MINDY4B: variants seen among roughly 807,000 people sequenced by gnomAD.
The protein encoded by MINDY4B is MINDY family member 4B.
MINDY4B carries 25 observed loss-of-function variants against 16.7 expected under a neutral mutation model. The observed-to-expected ratio is 1.49, with a 90% CI of 1.09 to 2.09. The LOEUF (loss-of-function observed/expected upper bound fraction) is 2.09, where lower values mean the gene tolerates loss of function less well. Among genes scored for constraint, MINDY4B ranks in the 30% most tolerant of loss-of-function variants. MINDY4B has a pLI of 0.00. For synonymous variants in MINDY4B, 132 were observed against 61.9 expected, an observed-to-expected ratio of 2.13 and a Z score of -5.32; for missense variants, 327 against 168.4, an observed-to-expected ratio of 1.94 and a Z score of -5.21.
chr3:150,888,752 C>T (rs913605051), intron 7 of MINDY4B, among the ~76,000 whole-genome samples: 1 of 152,182 alleles, frequency 6.6e-6, no homozygotes, highest in African/African-American at 2.4e-5. Context: ...TGTGTAGGGC[C>T]TTGATTATTC....
At chr3:150,892,240 G>A (rs933371376) in intron 5 of MINDY4B, among the ~76,000 whole-genome samples, 3 of 152,186 alleles carry the variant, frequency 2.0e-5, no homozygotes, top group Non-Finnish European at 2.9e-5. Flanking sequence ...GGCAGGCTCC[G>A]CAGTGCAATC....
At chr3:150,877,275 A>C (rs116158094) in intron 10 of MINDY4B, among the ~76,000 whole-genome samples, 1 of 152,148 alleles carries the variant, frequency 6.6e-6, no homozygotes, top group Admixed American at 6.5e-5. Flanking sequence ...TTTTATCATC[A>C]GTACATAAAA....
At chr3:150,889,434 T>C (rs191666886) in intron 7 of MINDY4B, among the ~76,000 whole-genome samples, 7 of 152,354 alleles carry the variant, frequency 4.6e-5, no homozygotes, top group Admixed American at 3.9e-4. Flanking sequence ...TTAATGACCC[T>C]TGTGATTCCA....
chr3:150,896,951 AT>A (rs1711987824), intron 3 of MINDY4B, among the ~76,000 whole-genome samples: 1 of 152,244 alleles, frequency 6.6e-6, no homozygotes, highest in South Asian at 2.1e-4. Flanking sequence ...AATGCTACAA[AT>A]TACAGCTAGA....
At chr3:150,888,068 C>T (rs1711673832) in intron 7 of MINDY4B, among the ~76,000 whole-genome samples, 1 of 152,088 alleles carries the variant, frequency 6.6e-6, no homozygotes, top group Non-Finnish European at 1.5e-5. Context: ...GATCGCACCA[C>T]TGTACTCCAG....
intron 9 of MINDY4B, 42 bp from the exon 10 acceptor site, chr3:150,883,100 A>G: frequency 1.7e-6 from 1 of 592,570 alleles, no homozygotes; most frequent in East Asian, 3.0e-5. Flanking sequence ...TTAGATAGCA[A>G]TGAAACAATA....
intron 7 of MINDY4B, among the ~76,000 whole-genome samples, chr3:150,887,498 T>G (rs1186846522): frequency 6.6e-6 from 1 of 152,214 alleles, no homozygotes; most frequent in Non-Finnish European, 1.5e-5. Flanking sequence ...TCAAAACTTG[T>G]CTAATGAGGG....
intron 3 of MINDY4B, among the ~76,000 whole-genome samples, chr3:150,901,984 G>A (rs1015510080): frequency 6.6e-6 from 1 of 152,156 alleles, no homozygotes; most frequent in African/African-American, 2.4e-5. Flanking sequence ...ATTGTGTCCT[G>A]TCTCGGGGAG....
intron 2 of MINDY4B, 61 bp from the exon 3 acceptor site, chr3:150,903,477 A>C (rs1241696972): frequency 1.3e-5 from 5 of 398,066 alleles, no homozygotes; most frequent in Non-Finnish European, 2.2e-5. Context: ...ACCTTGTTTT[A>C]AATTTTCTCT....
At chr3:150,895,046 C>T (rs914049185) in intron 3 of MINDY4B, among the ~76,000 whole-genome samples, 16 of 152,186 alleles carry the variant, frequency 1.1e-4, no homozygotes, top group Non-Finnish European at 2.4e-4. Flanking sequence ...TTGAATGAGG[C>T]TGGTCAATGG....
intron 7 of MINDY4B, 99 bp downstream of exon 7, chr3:150,890,221 T>C (rs903654362): frequency 2.4e-6 from 1 of 408,252 alleles, no homozygotes; most frequent in African/African-American, 2.1e-5. Flanking sequence ...TGACCTGGTT[T>C]TCTTAACAGG....
chr3:150,882,841 A>C (rs1461637649), intron 10 of MINDY4B, 56 bp downstream of exon 10: 2 of 645,952 alleles, frequency 3.1e-6, no homozygotes, highest in Non-Finnish European at 5.6e-6. Flanking sequence ...ACAGACTTTT[A>C]AACTGTTAAA....
At chr3:150,883,298 C>T (rs1461490353) in intron 9 of MINDY4B, among the ~76,000 whole-genome samples, 3 of 152,166 alleles carry the variant, frequency 2.0e-5, no homozygotes, top group African/African-American at 4.8e-5. Flanking sequence ...TACTGCCCGT[C>T]CTCCTTTTAC....
intron 9 of MINDY4B, 95 bp downstream of exon 9, chr3:150,883,605 T>G: frequency 1.5e-6 from 1 of 657,942 alleles, no homozygotes. Context: ...CAATCCAAAA[T>G]TCAGATTGCT....
At chr3:150,903,195 T>C (rs1712157192) in intron 3 of MINDY4B, 54 bp downstream of exon 3, 1 of 398,146 alleles carries the variant, frequency 2.5e-6, no homozygotes, top group Non-Finnish European at 4.4e-6. Context: ...CCCAGCCTTG[T>C]TGTTTTGGGA....
chr3:150,875,468 T>A (rs1711496104), intron 10 of MINDY4B, among the ~76,000 whole-genome samples: 1 of 152,192 alleles, frequency 6.6e-6, no homozygotes, highest in Admixed American at 6.5e-5. Context: ...TGGGTAGGTG[T>A]AATAGAATAT....
intron 10 of MINDY4B, among the ~76,000 whole-genome samples, chr3:150,882,655 A>C (rs563938263): frequency 6.6e-6 from 1 of 151,992 alleles, no homozygotes; most frequent in East Asian, 1.9e-4. Flanking sequence ...AAATGTATGT[A>C]TTACTTTTAT....
At chr3:150,902,442 G>T (rs140052599) in intron 3 of MINDY4B, among the ~76,000 whole-genome samples, 3 of 152,194 alleles carry the variant, frequency 2.0e-5, no homozygotes, top group Non-Finnish European at 4.4e-5. Flanking sequence ...GGCTACACTG[G>T]AGGGCAATCC....
intron 8 of MINDY4B, among the ~76,000 whole-genome samples, chr3:150,884,182 A>G (rs570194693): frequency 5.3e-4 from 81 of 152,270 alleles, no homozygotes; most frequent in African/African-American, 1.9e-3. Flanking sequence ...GGTTGTGGCC[A>G]TTTCTTGGCT....
Sources: gnomAD v4.1 joint callset for allele counts (sites outside exome capture counted in the v4.1 genomes callset) on GRCh38, gnomAD v4.1.1 for gene constraint, MANE v1.5 for transcripts, NCBI Gene and HGNC (gene_info 2026-07-23, HGNC 2026-07-21) for gene names.